The following PAK1 variants were observed in gnomAD, a reference collection of about 807,000 sequenced individuals.
The protein encoded by PAK1 is p21 (RAC1) activated kinase 1.
PAK1 carries 29 observed loss-of-function variants against 67.4 expected under a neutral mutation model. That is an observed-to-expected ratio of 0.43 (90% CI 0.32 to 0.59). The LOEUF (loss-of-function observed/expected upper bound fraction) is 0.59. Among genes scored for constraint, PAK1 ranks in the 20% least tolerant of loss-of-function variants. The pLI is 0.07. For missense variants in PAK1, 337 were observed against 670.7 expected (o/e 0.50, Z 5.50); for synonymous variants, 223 against 237.4 (o/e 0.94, Z 0.56).
chr11:77,443,649 T>C (rs150548667), intron 1 of PAK1, among the ~76,000 whole-genome samples: 2 of 152,340 alleles, frequency 1.3e-5, no homozygotes, highest in African/African-American at 4.8e-5. Flanking sequence ...GGAGCCAGGA[T>C]TGAACCTCAA....
chr11:77,525,858 T>G, the PAK1 span, among the ~76,000 whole-genome samples: 1 of 152,220 alleles, frequency 6.6e-6, no homozygotes, highest in South Asian at 2.1e-4. Flanking sequence ...TTTCTAAAAG[T>G]CACTAGAACA....
chr11:77,490,250 G>A, the PAK1 span, among the ~76,000 whole-genome samples: 5 of 150,324 alleles, frequency 3.3e-5, no homozygotes, highest in East Asian at 2.0e-4. Context: ...GAGCGTCTCC[G>A]CCCGGCCAGC....
At chr11:77,417,733 CT>C (rs1173798459) in intron 1 of PAK1, among the ~76,000 whole-genome samples, 34 of 126,774 alleles carry the variant, frequency 2.7e-4, no homozygotes, top group African/African-American at 1.0e-3. Context: ...TTTCTTTTTT[CT>C]TTTCTTTTTT....
chr11:77,496,449 C>A, the PAK1 span, among the ~76,000 whole-genome samples: 1 of 151,898 alleles, frequency 6.6e-6, no homozygotes, highest in Non-Finnish European at 1.5e-5. Context: ...CACAGTGAAA[C>A]CCTGGCTCTA....
intron 1 of PAK1, among the ~76,000 whole-genome samples, chr11:77,454,563 AAGG>A (rs1373454853): frequency 1.1e-4 from 17 of 152,080 alleles, no homozygotes; most frequent in African/African-American, 3.9e-4. Flanking sequence ...AACAGTTTCT[AAGG>A]CAGTTCTCAA....
rs200095298 is a variant in PAK1, at chr11:77,443,264, G to A, written c.-22+30288C>T. 7.3e-5 allele frequency among the ~76,000 whole-genome samples: 11 copies of A among 149,734 alleles called. No homozygotes were observed. The East Asian group carries it at 1.2e-3, about 16-fold the overall frequency. ...CAGGAGGCAGAGGTTGCAGTGAGCC[G>A]TGATCACTGCAGCCTGGCAACAGAG... On this transcript the variant is annotated intron_variant, in intron 1 of 14. Coordinates refer to ENST00000356341, the MANE Select transcript of PAK1 (RefSeq NM_002576.5).
chr11:77,364,690 A>G lies in PAK1; in HGVS notation c.478-5673T>C, dbSNP rs138701535. On this transcript the variant is annotated intron_variant, in intron 5 of 14. Transcript: ENST00000356341. ...AAACAGGAAAGCACGACCTAGGGGG[A>G]AAAAAGCAATCAACAGGAACTCTGA... is the stretch of plus-strand genomic sequence containing the variant. 2.3e-3 allele frequency among the ~76,000 whole-genome samples: 346 copies of G among 152,256 alleles called. 5 individuals are homozygous for G. Among genetic ancestry groups the G allele is most frequent in the Admixed American group, 0.019 (297 of 15,290 alleles).
In PAK1 at chr11:77,379,230, A is replaced by C. The variant is rs1373243880; in HGVS notation, c.439+11T>G. The stretch of plus-strand genomic sequence containing the variant: ...CTCTTGCTGAGACTGCCCTGGACGC[A>C]GTTCTCATACCTGTAAAGCTCATGT... On this transcript the variant is annotated intron_variant, in intron 4 of 14. Coordinates refer to ENST00000356341, the MANE Select transcript of PAK1 (RefSeq NM_002576.5). The C allele has an allele frequency of 1.3e-6, 2 of 1,599,184 alleles. No homozygotes were observed. The highest frequency in any genetic ancestry group is 8.5e-7 in the Non-Finnish European group (1 of 1,171,314).
the PAK1 span, among the ~76,000 whole-genome samples, chr11:77,504,981 C>G: frequency 6.6e-6 from 1 of 152,218 alleles, no homozygotes; most frequent in African/African-American, 2.4e-5. Context: ...CCAGATCACA[C>G]AGCCTGATAG....
intron 1 of PAK1, among the ~76,000 whole-genome samples, chr11:77,447,808 G>C (rs1215026211): frequency 6.6e-6 from 1 of 152,174 alleles, no homozygotes; most frequent in African/African-American, 2.4e-5. Flanking sequence ...TTACAGGCGT[G>C]AGCCACCATG....
intron 1 of PAK1, among the ~76,000 whole-genome samples, chr11:77,435,657 CTTTTTTTTTT>C (rs35603502): frequency 7.3e-5 from 5 of 68,594 alleles, no homozygotes; most frequent in East Asian, 4.6e-4. Flanking sequence ...CTACACCTGG[CTTTTTTTTTT>C]TTTTTTTTTT....
chr11:77,452,949 T>A (rs1046872130), intron 1 of PAK1, among the ~76,000 whole-genome samples: 1 of 152,152 alleles, frequency 6.6e-6, no homozygotes. Flanking sequence ...TCCCATCAGA[T>A]CTAAACAATC....
intron 1 of PAK1, among the ~76,000 whole-genome samples, chr11:77,397,839 C>T (rs1416467940): frequency 3.3e-5 from 5 of 152,194 alleles, no homozygotes; most frequent in South Asian, 2.1e-4. Flanking sequence ...GGTAGGAATA[C>T]TGAAGTCCAG....
chr11:77,382,174 A>AACTGTC (rs1217350290), intron 2 of PAK1, among the ~76,000 whole-genome samples: 1 of 152,206 alleles, frequency 6.6e-6, no homozygotes, highest in Non-Finnish European at 1.5e-5. Context: ...CACAGGCATG[A>AACTGTC]ACTGTCAAAT....
At chr11:77,357,923 A>G (rs7110378) in intron 6 of PAK1, among the ~76,000 whole-genome samples, 4,364 of 152,220 alleles carry the variant, frequency 0.029, 197 homozygotes, top group African/African-American at 0.098. Flanking sequence ...GAACATGTCT[A>G]CAAACCAAAA....
chr11:77,495,435 C>A, the PAK1 span, among the ~76,000 whole-genome samples: 1 of 151,398 alleles, frequency 6.6e-6, no homozygotes, highest in Non-Finnish European at 1.5e-5. Context: ...GATCGCACAA[C>A]TGCACTCCAG....
chr11:77,389,585 T>C (rs1228900584), intron 2 of PAK1, among the ~76,000 whole-genome samples: 3 of 152,242 alleles, frequency 2.0e-5, no homozygotes, highest in Non-Finnish European at 4.4e-5. Context: ...ATTGTGGTTT[T>C]GATTTGCATT....
chr11:77,434,424 G>A lies in PAK1; in HGVS notation c.-22+39128C>T, dbSNP rs542731117. ...CATTACAACATCCATGTTTCTTTTA[G>A]GAGGACAAAATATTCTTTTTCTTTT... On this transcript the variant is annotated intron_variant, in intron 1 of 14. Transcript: ENST00000356341. Among the ~76,000 whole-genome samples, 102 of 151,946 alleles carry A rather than the reference G, an allele frequency of 6.7e-4. 1 individual carries two copies. Among genetic ancestry groups the A allele is most frequent in the African/African-American group, 2.4e-3 (98 of 41,450 alleles).
At chr11:77,329,401 C>T (rs769476304) in intron 14 of PAK1, 8 of 152,126 alleles carry the variant, frequency 5.3e-5, no homozygotes, top group Non-Finnish European at 8.8e-5. Context: ...ACTGGCAAAC[C>T]GAATCCAGCA....
Sources: allele counts gnomAD v4.1 joint callset (sites outside exome capture counted in the v4.1 genomes callset), GRCh38; gene constraint gnomAD v4.1.1; transcripts MANE v1.5; gene names NCBI Gene and HGNC (gene_info 2026-07-23, HGNC 2026-07-21).